PDE4D: variants seen among roughly 807,000 people sequenced by gnomAD.
The protein encoded by PDE4D is 3',5'-cyclic-AMP phosphodiesterase 4D.
PDE4D carries 24 observed loss-of-function variants against 87.4 expected under a neutral mutation model. That is an observed-to-expected ratio of 0.27 (90% CI 0.20 to 0.39). The LOEUF (loss-of-function observed/expected upper bound fraction) is 0.39, where lower values mean the gene tolerates loss of function less well. Ranked by LOEUF, PDE4D falls within the 10% of genes least tolerant of loss-of-function variation. The pLI is 1.00. For synonymous variants in PDE4D, 384 were observed against 383.2 expected (o/e 1.00, Z -0.02); for missense variants, 714 against 1,041.0 (o/e 0.69, Z 4.32).
rs747133328 is a variant in PDE4D, at chr5:58,977,203, C to T, written c.1695G>A (p.Met565Ile). ...ATCAGCTACTTACGATGTCAATGAC[C>T]ATTTTCCTTAAAGATTGTCTTTGTT... The part of the protein sequence containing the change: ...TKKQRQSLRK[M>I]VIDIVLATDM... Residue 565 changes from methionine to isoleucine, a missense_variant, in exon 12 of 15, where the codon ATG (methionine) becomes ATA (isoleucine). This residue lies in a region of PDE4D where 26 missense variants were observed against 96.9 expected (regional missense o/e 0.27). Transcript: ENST00000340635. 1.2e-6 allele frequency: 2 copies of T among 1,609,924 alleles called. No individual in the cohort carries two copies. Among genetic ancestry groups the T allele is most frequent in the Non-Finnish European group, 1.7e-6 (2 of 1,178,818 alleles).
chr5:60,071,229 A>C (rs1223521585), intron 2 of PDE4D, among the ~76,000 whole-genome samples: 1 of 151,804 alleles, frequency 6.6e-6, no homozygotes, highest in Non-Finnish European at 1.5e-5. Flanking sequence ...CTTTCTGCCT[A>C]ATTTGGCCTT....
intron 2 of PDE4D, among the ~76,000 whole-genome samples, chr5:60,104,601 G>A (rs144287598): frequency 0.031 from 4,679 of 152,258 alleles, 236 homozygotes; most frequent in African/African-American, 0.11. Flanking sequence ...AGCCTAACTG[G>A]GAGGCACCCA....
chr5:59,985,131 G>GTT (rs1357220308), intron 3 of PDE4D, among the ~76,000 whole-genome samples: 4 of 116,166 alleles, frequency 3.4e-5, no homozygotes, highest in Admixed American at 1.1e-4. Flanking sequence ...TTCGTTTTTT[G>GTT]TTTTTTGTTT....
rs1789684175 is a variant in PDE4D, at chr5:59,397,620, A to G, written c.456-181652T>C. ...ATTTATAGCACTAAATGCCCACAAG[A>G]GAAAGCAGGAAAGATCCAAAATTGA... On this transcript the variant is annotated intron_variant, in intron 1 of 14. Coordinates refer to ENST00000340635, the MANE Select transcript of PDE4D (RefSeq NM_001104631.2). Among the ~76,000 whole-genome samples the G allele has an allele frequency of 1.7e-5, 2 of 115,624 alleles. 1 individual carries two copies. The highest frequency in any genetic ancestry group is 3.6e-5 in the Non-Finnish European group (2 of 55,166). The allele number at this position is 115,624 out of a possible 152,430, so 75.9% of individuals were successfully genotyped here.
chr5:59,659,838 G>A (rs1316923497), intron 1 of PDE4D, among the ~76,000 whole-genome samples: 1 of 152,156 alleles, frequency 6.6e-6, no homozygotes, highest in Non-Finnish European at 1.5e-5. Context: ...GCAGTTAGAA[G>A]ATTCCTATTC....
intron 2 of PDE4D, among the ~76,000 whole-genome samples, chr5:60,046,195 G>A (rs1464353952): frequency 6.6e-6 from 1 of 152,166 alleles, no homozygotes; most frequent in Admixed American, 6.5e-5. Context: ...AAGAACGCTT[G>A]TGATTTTTGT....
Position 60,152,577 on chromosome 5 carries a change from C to A in PDE4D, c.42+32980G>T, listed in dbSNP as rs182500208. 1.9e-3 allele frequency among the ~76,000 whole-genome samples: 289 copies of A among 150,926 alleles called. 8 individuals carry two copies. In the South Asian group the frequency reaches 0.05, roughly 26 times the overall value. On this transcript the variant is annotated intron_variant, in intron 2 of 16. Coordinates refer to the PDE4D transcript ENST00000502484. ...CTGAGGCAGGAGAATAGTGTGAACC[C>A]AGGAGGCAGAGCTTGCAGTGAGCCG...
chr5:59,198,889 A>C (rs1384834350), intron 2 of PDE4D, among the ~76,000 whole-genome samples: 3 of 152,208 alleles, frequency 2.0e-5, no homozygotes, highest in Non-Finnish European at 4.4e-5. Context: ...TATATGGTTC[A>C]AGTACTTAAA....
intron 1 of PDE4D, among the ~76,000 whole-genome samples, chr5:59,631,952 A>G (rs1349394375): frequency 2.6e-5 from 4 of 152,154 alleles, no homozygotes; most frequent in Non-Finnish European, 4.4e-5. Flanking sequence ...TTGCTCAGTG[A>G]ATCCCACACT....
intron 1 of PDE4D, among the ~76,000 whole-genome samples, chr5:60,438,271 C>T (rs1040773181): frequency 6.6e-6 from 1 of 152,016 alleles, no homozygotes. Context: ...AACTAGAGCA[C>T]ACAGATGAGA....
chr5:59,533,570 A>G (rs1814610750), intron 1 of PDE4D, among the ~76,000 whole-genome samples: 1 of 152,238 alleles, frequency 6.6e-6, no homozygotes, highest in East Asian at 1.9e-4. Flanking sequence ...GCGACAACAA[A>G]GCTATTCATT....
At chr5:60,089,838 A>C (rs780116573) in intron 2 of PDE4D, among the ~76,000 whole-genome samples, 1 of 151,792 alleles carries the variant, frequency 6.6e-6, no homozygotes, top group Non-Finnish European at 1.5e-5. Context: ...AGAATATATT[A>C]CAACTGATAC....
At chr5:59,980,413 A>G (rs1761801621) in intron 3 of PDE4D, among the ~76,000 whole-genome samples, 1 of 152,230 alleles carries the variant, frequency 6.6e-6, no homozygotes, top group South Asian at 2.1e-4. Flanking sequence ...CTTAAAAAAT[A>G]TGGGATTCCC....
chr5:60,030,724 T>C (rs1201549487), intron 2 of PDE4D: 1 of 152,156 alleles, frequency 6.6e-6, no homozygotes, highest in African/African-American at 2.4e-5. Context: ...TATAACAAAA[T>C]TGCACATATA....
intron 1 of PDE4D, among the ~76,000 whole-genome samples, chr5:59,395,555 G>A (rs984963625): frequency 6.6e-6 from 1 of 150,696 alleles, no homozygotes. Flanking sequence ...CAAACAGAAA[G>A]GACATCCACA....
At chr5:60,179,555 G>T (rs949917000) in intron 2 of PDE4D, among the ~76,000 whole-genome samples, 5 of 151,774 alleles carry the variant, frequency 3.3e-5, no homozygotes, top group African/African-American at 9.7e-5. Context: ...AAAAAATTAT[G>T]CAAGCTATTG....
At chr5:60,151,583 T>G (rs1422671330) in intron 2 of PDE4D, among the ~76,000 whole-genome samples, 3 of 152,206 alleles carry the variant, frequency 2.0e-5, no homozygotes, top group African/African-American at 4.8e-5. Context: ...CAAAAGTGAG[T>G]TTAACATGTT....
intron 1 of PDE4D, among the ~76,000 whole-genome samples, chr5:60,371,343 T>G (rs1761012519): frequency 6.6e-6 from 1 of 152,208 alleles, no homozygotes; most frequent in African/African-American, 2.4e-5. Flanking sequence ...CAGTCCGCCA[T>G]GTGGTGATTC....
chr5:60,225,702 A>G (rs1046453506), intron 1 of PDE4D, among the ~76,000 whole-genome samples: 3 of 152,238 alleles, frequency 2.0e-5, no homozygotes, highest in East Asian at 1.9e-4. Flanking sequence ...TAATAATGGT[A>G]ACTAAAAGCT....
Sources: allele counts gnomAD v4.1 joint callset (sites outside exome capture counted in the v4.1 genomes callset), GRCh38; gene constraint gnomAD v4.1.1; regional missense constraint gnomAD v4.1.1; transcripts MANE v1.5; gene names NCBI Gene and HGNC (gene_info 2026-07-23, HGNC 2026-07-21).